Variants in TSPEAR observed in about 807,000 individuals in gnomAD.
TSPEAR encodes the protein thrombospondin type laminin G domain and EAR repeats.
TSPEAR carries 69 observed loss-of-function variants against 71.6 expected under a neutral mutation model. The ratio of observed to expected loss-of-function variants is 0.96; its 90% CI spans 0.79 to 1.18. The LOEUF (loss-of-function observed/expected upper bound fraction) is 1.18. Ranked by LOEUF, TSPEAR falls within the 50% of genes most tolerant of loss-of-function variation. TSPEAR has a pLI of 0.00. For missense variants in TSPEAR, 971 were observed against 894.9 expected (o/e 1.09, Z -1.09); for synonymous variants, 402 against 387.2 (o/e 1.04, Z -0.45).
chr21:44,598,747 T>TATA (rs1313941948), intron 1 of TSPEAR, among the ~76,000 whole-genome samples: 54 of 152,332 alleles, frequency 3.5e-4, no homozygotes, highest in African/African-American at 1.3e-3. Flanking sequence ...AGATTATAAA[T>TATA]ATAATAATAT....
Position 44,527,380 on chromosome 21 carries a change from T to G in TSPEAR, c.1061A>C (p.Tyr354Ser), listed in dbSNP as rs781834449. 5.6e-6 allele frequency: 9 copies of G among 1,614,114 alleles called. No individual in the cohort carries two copies. In the African/African-American group the frequency reaches 1.1e-4, roughly 19 times the overall value. The change falls in exon 7 of 12, where the codon TAC (tyrosine) becomes TCC (serine). Residue 354 changes from tyrosine (Y) to serine (S), a missense_variant. Transcript: ENST00000323084. ...GACGAACTTCTCTTCGGTCCACTTG[T>G]AGACGGCGGATGTGGCTTTGCGATT... ...TANRKATSAV[Y>S]KWTEEKFVSY... is the part of the protein sequence containing the mutation.
At chr21:44,514,022 C>T (rs587632373) in intron 9 of TSPEAR, among the ~76,000 whole-genome samples, 17 of 152,328 alleles carry the variant, frequency 1.1e-4, no homozygotes, top group African/African-American at 2.2e-4. Context: ...CTGCAGAACC[C>T]GCAAGCCTGG....
chr21:44,632,937 G>A (rs1317645573), intron 1 of TSPEAR, among the ~76,000 whole-genome samples: 5 of 152,138 alleles, frequency 3.3e-5, no homozygotes, highest in African/African-American at 1.2e-4. Flanking sequence ...TTACATCTAG[G>A]TTATCTACAT....
At chr21:44,600,564 A>T (rs1256551412) in intron 1 of TSPEAR, 7 of 1,556,158 alleles carry the variant, frequency 4.5e-6, no homozygotes, top group Non-Finnish European at 6.1e-6. Flanking sequence ...ACACGGACTC[A>T]CTCACTCATT....
chr21:44,619,989 T>C (rs926064730), intron 1 of TSPEAR, among the ~76,000 whole-genome samples: 5 of 152,150 alleles, frequency 3.3e-5, no homozygotes, highest in African/African-American at 1.2e-4. Flanking sequence ...CTTCCAGAAT[T>C]GAGGAAACAC....
At chr21:44,578,122 T>C (rs1315380339) in intron 1 of TSPEAR, among the ~76,000 whole-genome samples, 1 of 152,134 alleles carries the variant, frequency 6.6e-6, no homozygotes, top group Non-Finnish European at 1.5e-5. Flanking sequence ...ATTAAACCTC[T>C]TTCTTTTGTA....
rs782497300 is a variant in TSPEAR at position 44,558,603 on chromosome 21, G to A, written c.303+9182C>T. 30 of 1,611,130 alleles carry A rather than the reference G, an allele frequency of 1.9e-5. No homozygotes were observed. Among genetic ancestry groups the A allele is most frequent in the South Asian group, 3.3e-5 (3 of 90,858 alleles). ...GACCAGGGTCAGGCAGGGGGCCGGGGCGCAGCAGCTGGTGGCGCAGCAGGG... is the reference window on the plus strand; with the variant it reads ...GACCAGGGTCAGGCAGGGGGCCGGGACGCAGCAGCTGGTGGCGCAGCAGGG... On this transcript the variant is annotated intron_variant, in intron 2 of 11. Transcript: ENST00000323084.
chr21:44,525,337 G>T (rs2052832912), intron 8 of TSPEAR, among the ~76,000 whole-genome samples: 3 of 152,088 alleles, frequency 2.0e-5, no homozygotes, highest in Non-Finnish European at 4.4e-5. Context: ...AGTCAGTCGG[G>T]TAGTCAGTGA....
intron 1 of TSPEAR, among the ~76,000 whole-genome samples, chr21:44,679,228 C>A (rs115149882): frequency 6.6e-6 from 1 of 152,112 alleles, no homozygotes; most frequent in Non-Finnish European, 1.5e-5. Flanking sequence ...TTTCTGTGGC[C>A]TCTCAGCTTC....
At chr21:44,535,918 GAA>G (rs57116003) in intron 2 of TSPEAR, among the ~76,000 whole-genome samples, 17 of 145,048 alleles carry the variant, frequency 1.2e-4, no homozygotes, top group African/African-American at 3.8e-4. Flanking sequence ...AAGGAAAAAA[GAA>G]AAAAAAAAAC....
chr21:44,602,762 T>G (rs1414275802), intron 1 of TSPEAR, among the ~76,000 whole-genome samples: 2 of 151,896 alleles, frequency 1.3e-5, no homozygotes, highest in East Asian at 3.9e-4. Flanking sequence ...TGCAGAGGAG[T>G]GAGGCGCGTC....
intron 8 of TSPEAR, among the ~76,000 whole-genome samples, chr21:44,522,967 G>A (rs1218979043): frequency 6.6e-6 from 1 of 152,274 alleles, no homozygotes; most frequent in African/African-American, 2.4e-5. Context: ...GAGGTAGTCA[G>A]TCAGTCAGTT....
intron 11 of TSPEAR, among the ~76,000 whole-genome samples, chr21:44,504,526 G>A (rs1436929445): frequency 4.1e-5 from 6 of 145,392 alleles, no homozygotes; most frequent in Non-Finnish European, 7.5e-5. Flanking sequence ...GGAGGAGGCC[G>A]GCCTCGGTGA....
At chr21:44,645,732 G>A (rs1471568144) in intron 1 of TSPEAR, among the ~76,000 whole-genome samples, 1 of 152,094 alleles carries the variant, frequency 6.6e-6, no homozygotes, top group Non-Finnish European at 1.5e-5. Flanking sequence ...GTTTTAAGAT[G>A]CTAAAAGTAA....
At chr21:44,564,865 C>G (rs182854) in intron 2 of TSPEAR, among the ~76,000 whole-genome samples, 141,970 of 152,206 alleles carry the variant, frequency 0.93, 66,344 homozygotes, top group Non-Finnish European at 0.96. Context: ...TATCGTCTAG[C>G]ATAGGACATA....
intron 9 of TSPEAR, among the ~76,000 whole-genome samples, chr21:44,515,152 A>G (rs930416002): frequency 6.6e-6 from 1 of 152,224 alleles, no homozygotes; most frequent in Non-Finnish European, 1.5e-5. Context: ...ACTCAAACCA[A>G]ACAGTAAACA....
At chr21:44,686,603 G>C (rs4818960) in intron 1 of TSPEAR, 27,180 of 153,152 alleles carry the variant, frequency 0.18, 2,584 homozygotes, top group African/African-American at 0.23. Flanking sequence ...CCCTTCCCTG[G>C]CCTGCAGACC....
intron 1 of TSPEAR, among the ~76,000 whole-genome samples, chr21:44,617,183 C>T (rs1458437327): frequency 2.0e-5 from 3 of 152,240 alleles, no homozygotes; most frequent in Non-Finnish European, 4.4e-5. Context: ...GCACTGACTC[C>T]TGGCAGGTGG....
rs1555914339 is a variant in TSPEAR, at chr21:44,522,002, T to C, written c.1447A>G (p.Ser483Gly). 8.1e-6 allele frequency: 13 copies of C among 1,614,074 alleles called. No homozygotes were observed. Among genetic ancestry groups the C allele is most frequent in the Non-Finnish European group, 1.1e-5 (13 of 1,179,986 alleles). ...TSGAYDWEFF[S>G]VGPYSFLVVA... ...ACCAGGAACGAGTAGGGCCCCACACTGAAGAACTCCCAGTCGTAGGCGCCG... is the reference window on the plus strand; with the variant it reads ...ACCAGGAACGAGTAGGGCCCCACACCGAAGAACTCCCAGTCGTAGGCGCCG... The change falls in exon 9 of 12, where the codon AGT (serine) becomes GGT (glycine). Residue 483 changes from serine to glycine, a missense_variant. Coordinates refer to ENST00000323084, the MANE Select transcript of TSPEAR (RefSeq NM_144991.3).
Sources: allele counts gnomAD v4.1 joint callset (sites outside exome capture counted in the v4.1 genomes callset), GRCh38; gene constraint gnomAD v4.1.1; transcripts MANE v1.5; gene names NCBI Gene and HGNC (gene_info 2026-07-23, HGNC 2026-07-21).